Variants in NRXN1 observed in about 807,000 individuals in gnomAD.
NRXN1 encodes the protein neurexin 1.
In NRXN1, 39 loss-of-function variants were observed where a neutral mutation model predicts 150.9. That is an observed-to-expected ratio of 0.26 (90% CI 0.20 to 0.34). The LOEUF is 0.34. NRXN1 is among the 10% of genes least tolerant of loss of function. The probability of loss-of-function intolerance (pLI) is 1.00; values close to 1 mark genes in which losing one functional copy is unlikely to be tolerated. For synonymous variants in NRXN1, 924 were observed against 757.0 expected (o/e 1.22, Z -3.62); for missense variants, 1,815 against 1,949.9 (o/e 0.93, Z 1.30).
chr2:50,367,949 C>T (rs911805839), intron 17 of NRXN1, among the ~76,000 whole-genome samples: 7 of 151,982 alleles, frequency 4.6e-5, no homozygotes, highest in African/African-American at 1.7e-4. Context: ...TAAACAGTTT[C>T]AACTGCCCTA....
intron 17 of NRXN1, among the ~76,000 whole-genome samples, chr2:50,317,114 A>C (rs936150964): frequency 3.3e-5 from 5 of 152,096 alleles, no homozygotes; most frequent in African/African-American, 9.7e-5. Context: ...ACAAATAACT[A>C]TGAAAGACAT....
chr2:50,377,163 C>T (rs528783955), intron 17 of NRXN1, among the ~76,000 whole-genome samples: 7 of 152,100 alleles, frequency 4.6e-5, no homozygotes, highest in Non-Finnish European at 7.4e-5. Flanking sequence ...CAAACATGTG[C>T]GATGGTGGTT....
chr2:50,999,473 G>C (rs919668871), intron 2 of NRXN1, among the ~76,000 whole-genome samples: 2 of 152,062 alleles, frequency 1.3e-5, no homozygotes, highest in Non-Finnish European at 2.9e-5. Context: ...TCTTCTATGT[G>C]ACAAGCACAA....
rs552359292 is a variant in NRXN1 at position 50,421,828 on chromosome 2, T to C, written c.3364+43614A>G. On this transcript the variant is annotated intron_variant, in intron 17 of 22. Transcript: ENST00000401669. Reference sequence around the variant, plus strand: ...AGAGATCAGAACTGTTGTTTTATCCTGTTTTCCTATTTTTTTCTCCTAAAG... The same window carrying C: ...AGAGATCAGAACTGTTGTTTTATCCCGTTTTCCTATTTTTTTCTCCTAAAG... Among the ~76,000 whole-genome samples the C allele has an allele frequency of 5.3e-5, 8 of 152,278 alleles. 1 individual carries two copies. The East Asian group carries it at 1.4e-3, about 26-fold the overall frequency.
chr2:50,026,576 A>T (rs1203711641), intron 21 of NRXN1, among the ~76,000 whole-genome samples: 2 of 152,172 alleles, frequency 1.3e-5, no homozygotes, highest in African/African-American at 4.8e-5. Context: ...TACATCTTAA[A>T]TAAGTTCTGA....
chr2:50,131,939 A>G (rs1167458392), intron 18 of NRXN1, among the ~76,000 whole-genome samples: 1 of 152,102 alleles, frequency 6.6e-6, no homozygotes, highest in Non-Finnish European at 1.5e-5. Flanking sequence ...TGGGGGAAAA[A>G]AAGTTATTTT....
At chr2:50,056,184 A>T (rs1573642682) in intron 19 of NRXN1, among the ~76,000 whole-genome samples, 1 of 152,268 alleles carries the variant, frequency 6.6e-6, no homozygotes, top group South Asian at 2.1e-4. Context: ...CTATCTGCAT[A>T]AAAAGACTGG....
intron 5 of NRXN1, among the ~76,000 whole-genome samples, chr2:50,847,618 A>T (rs959590574): frequency 6.6e-6 from 1 of 152,148 alleles, no homozygotes; most frequent in African/African-American, 2.4e-5. Context: ...TAAAAACCGG[A>T]GACCCTAGCA....
At chr2:50,538,995 G>A (rs909159197) in intron 9 of NRXN1, among the ~76,000 whole-genome samples, 3 of 152,178 alleles carry the variant, frequency 2.0e-5, no homozygotes, top group African/African-American at 7.2e-5. Flanking sequence ...GATTCCCCTG[G>A]GTTAGTGCTT....
At chr2:50,685,060 T>C (rs1288606859) in intron 5 of NRXN1, among the ~76,000 whole-genome samples, 1 of 152,222 alleles carries the variant, frequency 6.6e-6, no homozygotes, top group African/African-American at 2.4e-5. Context: ...TATTATAAAT[T>C]CAATTTTGGC....
At chr2:50,210,695 CTA>C (rs2062952256) in intron 18 of NRXN1, among the ~76,000 whole-genome samples, 1 of 151,426 alleles carries the variant, frequency 6.6e-6, no homozygotes, top group Non-Finnish European at 1.5e-5. Context: ...GTTGTTTTGA[CTA>C]TGAATAAAAA....
At chr2:50,146,482 A>G (rs10490239) in intron 18 of NRXN1, among the ~76,000 whole-genome samples, 49,643 of 151,438 alleles carry the variant, frequency 0.33, 8,665 homozygotes, top group Non-Finnish European at 0.38. Flanking sequence ...CATTTGTTAG[A>G]TTATATAGAG....
chr2:51,011,507 G>A (rs187521420), intron 2 of NRXN1, among the ~76,000 whole-genome samples: 29 of 152,052 alleles, frequency 1.9e-4, no homozygotes, highest in African/African-American at 6.5e-4. Flanking sequence ...TGATTTCACA[G>A]AGAAGGAGAC....
intron 18 of NRXN1, among the ~76,000 whole-genome samples, chr2:50,234,144 C>A (rs1321873687): frequency 6.6e-6 from 1 of 151,890 alleles, no homozygotes; most frequent in South Asian, 2.1e-4. Context: ...TGGAGGTAAA[C>A]TTAGGTAGTA....
At chr2:50,567,369 A>AT (rs894455332) in intron 8 of NRXN1, among the ~76,000 whole-genome samples, 12 of 152,036 alleles carry the variant, frequency 7.9e-5, no homozygotes, top group African/African-American at 2.7e-4. Flanking sequence ...GACTGGGACC[A>AT]TTTTTTTCAT....
In NRXN1 at chr2:50,358,572, C is replaced by T. The variant is rs2078980114; in HGVS notation, c.3364+106870G>A. On this transcript the variant is annotated intron_variant, in intron 17 of 22. Transcript: ENST00000401669. ...CAGGACATCTCTGAAAAAAAGACAG[C>T]AGCCCCAGTCAGGAACTTATAGATA... 2.0e-5 allele frequency among the ~76,000 whole-genome samples: 3 copies of T among 152,348 alleles called. 1 individual carries two copies. In the South Asian group the frequency reaches 6.2e-4, roughly 32 times the overall value.
chr2:50,494,871 A>G (rs1170217623), intron 15 of NRXN1, among the ~76,000 whole-genome samples: 4 of 152,032 alleles, frequency 2.6e-5, no homozygotes, highest in Non-Finnish European at 5.9e-5. Flanking sequence ...TGTCTCTACT[A>G]AAACACAAAA....
intron 17 of NRXN1, among the ~76,000 whole-genome samples, chr2:50,246,316 G>A (rs1488702427): frequency 6.6e-6 from 1 of 151,932 alleles, no homozygotes; most frequent in Admixed American, 6.6e-5. Context: ...TTTTGGCAGT[G>A]ACACTTCTTT....
intron 5 of NRXN1, among the ~76,000 whole-genome samples, chr2:50,642,872 C>A (rs547259440): frequency 1.3e-5 from 2 of 151,800 alleles, no homozygotes; most frequent in African/African-American, 2.4e-5. Flanking sequence ...GGAGGAAAAG[C>A]CTTCTTCTAA....
Sources: gnomAD v4.1 joint callset for allele counts (sites outside exome capture counted in the v4.1 genomes callset) on GRCh38, gnomAD v4.1.1 for gene constraint, MANE v1.5 for transcripts, NCBI Gene and HGNC (gene_info 2026-07-23, HGNC 2026-07-21) for gene names.